The following CYP51A1 variants were observed in gnomAD, a reference collection of about 807,000 sequenced individuals.
CYP51A1 encodes lanosterol 14-alpha demethylase.
In CYP51A1, 45 loss-of-function variants were observed where a neutral mutation model predicts 53.5. That is an observed-to-expected ratio of 0.84 (90% CI 0.66 to 1.08). The LOEUF is 1.08. Among genes scored for constraint, CYP51A1 ranks in the 50% least tolerant of loss-of-function variants. The pLI, the probability that CYP51A1 is intolerant of heterozygous loss-of-function variation, is 0.00. For missense variants in CYP51A1, 462 were observed against 621.7 expected (o/e 0.74, Z 2.73); for synonymous variants, 181 against 217.7 (o/e 0.83, Z 1.48).
chr7:92,120,055 A>T (rs78795154), intron 7 of CYP51A1, among the ~76,000 whole-genome samples: 1,604 of 152,300 alleles, frequency 0.011, 25 homozygotes, highest in African/African-American at 0.037. Context: ...AATACTTAAG[A>T]ATACATTTAA....
At chr7:92,129,867 G>A (rs2130955937) in intron 2 of CYP51A1, among the ~76,000 whole-genome samples, 1 of 152,270 alleles carries the variant, frequency 6.6e-6, no homozygotes, top group African/African-American at 2.4e-5. Context: ...GAAGAATGAG[G>A]AGCTGGTTTG....
chr7:92,117,038 T>A lies in CYP51A1; in HGVS notation c.1351+6A>T. On this transcript the variant is annotated splice_donor_region_variant and intron_variant, in intron 9 of 9. Transcript: ENST00000003100. ...ACATTTCCAATCTAAAATATAATCATCTTACCAGCTCCAAATGGCACATAG... is the reference window on the plus strand; with the variant it reads ...ACATTTCCAATCTAAAATATAATCAACTTACCAGCTCCAAATGGCACATAG... 6.2e-7 allele frequency: 1 copy of A among 1,605,958 alleles called. No homozygotes were observed. Among genetic ancestry groups the A allele is most frequent in the Non-Finnish European group, 8.5e-7 (1 of 1,176,506 alleles).
Position 92,113,414 on chromosome 7 carries a change from C to G in CYP51A1, c.*251G>C, listed in dbSNP as rs7793861. The G allele has an allele frequency of 0.39, 154,058 of 397,016 alleles. 31,241 individuals carry two copies. Among genetic ancestry groups the G allele is most frequent in the African/African-American group, 0.47 (22,299 of 46,948 alleles). 24.6% of individuals were successfully genotyped at this position (397,016 alleles called of 1,614,324 possible). A position where few individuals can be genotyped will look rare whatever the true frequency, so the allele number is the denominator to read the frequency against. ...TCTGCCAATTACCTAGATCCCCCCTCAACAATTGTTTCACCAAGGAACTTC... is the reference window on the plus strand; with the variant it reads ...TCTGCCAATTACCTAGATCCCCCCTGAACAATTGTTTCACCAAGGAACTTC... On this transcript the variant is annotated 3_prime_UTR_variant, in exon 10 of 10. Coordinates refer to ENST00000003100, the MANE Select transcript of CYP51A1 (RefSeq NM_000786.4).
At chr7:92,120,243 A>C (rs1443000396) in intron 7 of CYP51A1, among the ~76,000 whole-genome samples, 1 of 152,236 alleles carries the variant, frequency 6.6e-6, no homozygotes, top group African/African-American at 2.4e-5. Flanking sequence ...GCTTCTTTGC[A>C]GAAACTGACA....
At chr7:92,115,226 A>T (rs1819559841) in intron 9 of CYP51A1, among the ~76,000 whole-genome samples, 2 of 152,220 alleles carry the variant, frequency 1.3e-5, no homozygotes, top group African/African-American at 4.8e-5. Context: ...ATTTAACAAG[A>T]TTAACGTAAG....
chr7:92,134,446 T>C lies in CYP51A1; in HGVS notation c.-82A>G, dbSNP rs990625925. The C allele has an allele frequency of 2.6e-5, 36 of 1,409,202 alleles. No homozygotes were observed. In the East Asian group the frequency reaches 9.3e-4, roughly 36 times the overall value. The allele number at this position is 1,409,202 out of a possible 1,614,324, so 87.3% of individuals were successfully genotyped here. ...AACGAGAGAAGCTGGCAGATGGTCG[T>C]CCACAGGGGGCCTTGCCCCAGGTCT... On this transcript the variant is annotated 5_prime_UTR_variant, in exon 1 of 10. Transcript: ENST00000003100.
chr7:92,133,923 G>C (rs1819981279), intron 1 of CYP51A1, among the ~76,000 whole-genome samples: 2 of 152,196 alleles, frequency 1.3e-5, no homozygotes, highest in African/African-American at 4.8e-5. Flanking sequence ...AGCCGGGGAG[G>C]CCAGCACCGC....
chr7:92,121,859 G>A (rs1819699583), intron 7 of CYP51A1, among the ~76,000 whole-genome samples: 1 of 152,176 alleles, frequency 6.6e-6, no homozygotes, highest in Admixed American at 6.5e-5. Context: ...GCTCTCTTTT[G>A]GGAGTGATGT....
intron 1 of CYP51A1, among the ~76,000 whole-genome samples, chr7:92,133,894 C>A (rs539830526): frequency 6.6e-6 from 1 of 152,322 alleles, no homozygotes; most frequent in South Asian, 2.1e-4. Context: ...ACCACGACCC[C>A]GTCTAGGATC....
At chr7:92,120,863 A>G (rs936644883) in intron 7 of CYP51A1, among the ~76,000 whole-genome samples, 3 of 152,232 alleles carry the variant, frequency 2.0e-5, no homozygotes, top group Non-Finnish European at 4.4e-5. Flanking sequence ...TTACAACTCA[A>G]TAATAAAAAG....
At chr7:92,131,539 A>G (rs189876802) in intron 2 of CYP51A1, among the ~76,000 whole-genome samples, 11 of 152,376 alleles carry the variant, frequency 7.2e-5, no homozygotes, top group Admixed American at 2.0e-4. Flanking sequence ...TGCCAGAACT[A>G]CAGGTTTCCT....
At chr7:92,119,939 A>G (rs1002075080) in intron 7 of CYP51A1, among the ~76,000 whole-genome samples, 4 of 152,226 alleles carry the variant, frequency 2.6e-5, no homozygotes, top group Admixed American at 2.6e-4. Flanking sequence ...TAGAAATTCA[A>G]GAACTGAGAA....
Position 92,134,461 on chromosome 7 carries a change from G to T in CYP51A1, c.-97C>A. The T allele has an allele frequency of 1.5e-6, 2 of 1,330,608 alleles. No individual in the cohort carries two copies. Among genetic ancestry groups the T allele is most frequent in the Non-Finnish European group, 2.0e-6 (2 of 991,970 alleles). The allele number at this position is 1,330,608 out of a possible 1,614,324, so 82.4% of individuals were successfully genotyped here. ...CAGATGGTCGTCCACAGGGGGCCTTGCCCCAGGTCTCCTACTAAACCCAGC... is the reference window on the plus strand; with the variant it reads ...CAGATGGTCGTCCACAGGGGGCCTTTCCCCAGGTCTCCTACTAAACCCAGC... On this transcript the variant is annotated 5_prime_UTR_variant, in exon 1 of 10. Transcript: ENST00000003100.
rs779212176 is a variant in CYP51A1 at position 92,117,107 on chromosome 7, C to G, written c.1288G>C (p.Asp430His). 80 of 1,613,908 alleles carry G rather than the reference C, an allele frequency of 5.0e-5. No homozygotes were observed. Among genetic ancestry groups the G allele is most frequent in the Non-Finnish European group, 6.4e-5 (75 of 1,179,980 alleles). Reference sequence around the variant, plus strand: ...GCTGGGTTATCCTGTAAGTAGCGATCAGGATTAAAGTCCAGGCGTTCTACC... The same window carrying G: ...GCTGGGTTATCCTGTAAGTAGCGATGAGGATTAAAGTCCAGGCGTTCTACC... ...SWVERLDFNP[D>H]RYLQDNPASG... is the part of the protein sequence containing the mutation. Residue 430 changes from aspartate (D) to histidine (H), a missense_variant, in exon 9 of 10, where the codon GAT becomes CAT. Physicochemically the swap from Asp to His is moderately conservative, Grantham distance 81 (BLOSUM62 -1). Coordinates refer to ENST00000003100, the MANE Select transcript of CYP51A1 (RefSeq NM_000786.4).
At chr7:92,115,217 T>C (rs898447566) in intron 9 of CYP51A1, among the ~76,000 whole-genome samples, 3 of 152,204 alleles carry the variant, frequency 2.0e-5, no homozygotes, top group Admixed American at 6.5e-5. Context: ...TAATGTGATA[T>C]TTAACAAGAT....
At chr7:92,123,939 T>C (rs2130949687) in intron 5 of CYP51A1, 86 bp from the exon 6 acceptor site, 2 of 1,145,478 alleles carry the variant, frequency 1.7e-6, no homozygotes, top group Non-Finnish European at 2.4e-6. Flanking sequence ...GGACCGAGCA[T>C]AAAGCATCTT....
chr7:92,120,488 A>G (rs566169238), intron 7 of CYP51A1, among the ~76,000 whole-genome samples: 28 of 152,322 alleles, frequency 1.8e-4, no homozygotes, highest in African/African-American at 6.5e-4. Flanking sequence ...GGGTTTCGCT[A>G]TGTTGCCCAG....
chr7:92,133,370 T>G (rs1819963957), intron 1 of CYP51A1, among the ~76,000 whole-genome samples: 1 of 152,078 alleles, frequency 6.6e-6, no homozygotes, highest in African/African-American at 2.4e-5. Context: ...TTCTCGGGCC[T>G]CAGCTTCCCA....
chr7:92,119,430 C>T (rs1430626789), intron 7 of CYP51A1, among the ~76,000 whole-genome samples: 1 of 152,150 alleles, frequency 6.6e-6, no homozygotes, highest in Admixed American at 6.5e-5. Flanking sequence ...TCCCCTAACA[C>T]ACACATACAG....
Sources: allele counts gnomAD v4.1 joint callset (sites outside exome capture counted in the v4.1 genomes callset), GRCh38; gene constraint gnomAD v4.1.1; transcripts MANE v1.5; gene names NCBI Gene and HGNC (gene_info 2026-07-23, HGNC 2026-07-21).